The following PTPRH variants were observed in gnomAD, a reference collection of about 807,000 sequenced individuals.
PTPRH encodes the protein receptor-type tyrosine-protein phosphatase H.
PTPRH carries 113 observed loss-of-function variants against 130.2 expected under a neutral mutation model. The observed-to-expected ratio is 0.87, with a 90% CI of 0.75 to 1.01. PTPRH has a LOEUF of 1.01. Ranked by LOEUF, PTPRH falls within the 50% of genes least tolerant of loss-of-function variation. The probability of loss-of-function intolerance (pLI) is 0.00; values close to 1 mark genes in which losing one functional copy is unlikely to be tolerated. For missense variants in PTPRH, 1,430 were observed against 1,425.0 expected, an observed-to-expected ratio of 1.00 and a Z score of -0.06; for synonymous variants, 556 against 577.9, an observed-to-expected ratio of 0.96 and a Z score of 0.54.
At chr19:55,184,236 A>T (rs1034757200) in intron 18 of PTPRH, among the ~76,000 whole-genome samples, 3 of 152,026 alleles carry the variant, frequency 2.0e-5, no homozygotes, top group Non-Finnish European at 4.4e-5. Flanking sequence ...GTGAGCCGAG[A>T]TCATGCCACT....
rs1310236335 is a variant in PTPRH at position 55,187,356 on chromosome 19, AAAAAG to A, written c.2566+152_2566+156del. 1.4e-4 allele frequency among the ~76,000 whole-genome samples: 16 copies of A among 112,870 alleles called. 1 individual carries two copies. Among genetic ancestry groups the A allele is most frequent in the South Asian group, 3.1e-4 (1 of 3,256 alleles). 74.0% of individuals were successfully genotyped at this position (112,870 alleles called of 152,430 possible). A position where few individuals can be genotyped will look rare whatever the true frequency, so the allele number is the denominator to read the frequency against. ...CGAGACTCCGTCTCAAAAAAAAAAA[AAAAAG>A]AAAAAAAGAAAAAAAAAAAAGGAAG... On this transcript the variant is annotated intron_variant, in intron 14 of 19. Transcript: ENST00000376350.
Position 55,191,588 on chromosome 19 carries a change from G to A in PTPRH, c.2337-40C>T, listed in dbSNP as rs372893130. The stretch of plus-strand genomic sequence containing the variant: ...TTAGGATGAGAGGCTCAGGGGGTGA[G>A]GCTGCAACCAGCGGTCCTCCTCCTT... On this transcript the variant is annotated intron_variant, in intron 11 of 19. Transcript: ENST00000376350. The A allele has an allele frequency of 3.5e-5, 57 of 1,613,366 alleles. No individual in the cohort carries two copies. The African/African-American group carries it at 7.2e-4, about 20-fold the overall frequency.
chr19:55,196,904 C>T (rs1263240766), intron 9 of PTPRH, 116 bp from the exon 10 acceptor site: 15 of 1,304,944 alleles, frequency 1.1e-5, no homozygotes, highest in African/African-American at 3.0e-5. Flanking sequence ...ATCCAAACTA[C>T]CTCATCTTCC....
intron 8 of PTPRH, among the ~76,000 whole-genome samples, 197 bp downstream of exon 8, chr19:55,198,446 A>C (rs1335837377): frequency 6.6e-6 from 1 of 152,200 alleles, no homozygotes; most frequent in Non-Finnish European, 1.5e-5. Flanking sequence ...GAGAAAAAAC[A>C]GGTCCCACAG....
chr19:55,202,660 C>T (rs1359712723), intron 5 of PTPRH, among the ~76,000 whole-genome samples: 1 of 151,010 alleles, frequency 6.6e-6, no homozygotes, highest in Non-Finnish European at 1.5e-5. Flanking sequence ...TATACATACA[C>T]ATATATATAT....
rs2122225814 is a variant in PTPRH, at chr19:55,201,991, T to C, written c.1153+65A>G. The C allele has an allele frequency of 5.0e-6, 8 of 1,586,836 alleles. No individual in the cohort carries two copies. The South Asian group carries it at 9.3e-5, about 19-fold the overall frequency. On this transcript the variant is annotated intron_variant, in intron 6 of 19. Transcript: ENST00000376350. ...AGGGACTATGGAATAGACAATCGTC[T>C]ACATTCTACTGCTTACTGTCCCTTA...
intron 5 of PTPRH, 28 bp downstream of exon 5, chr19:55,203,754 T>C: frequency 1.3e-6 from 2 of 1,581,288 alleles, no homozygotes; most frequent in South Asian, 2.3e-5. Flanking sequence ...ATAAAAGAAA[T>C]AAAAATAAAA....
intron 18 of PTPRH, among the ~76,000 whole-genome samples, 172 bp from the exon 19 acceptor site, chr19:55,182,323 C>A (rs2086201566): frequency 2.0e-5 from 3 of 152,148 alleles, no homozygotes; most frequent in Admixed American, 1.3e-4. Flanking sequence ...GTCAGGAGTT[C>A]CAGACCAGCC....
At chr19:55,207,232 T>C (rs776570224) in intron 1 of PTPRH, 33 bp from the exon 2 acceptor site, 4 of 1,608,320 alleles carry the variant, frequency 2.5e-6, no homozygotes, top group African/African-American at 1.3e-5. Context: ...GGAGTCAGCC[T>C]CTCAACCACT....
intron 6 of PTPRH, among the ~76,000 whole-genome samples, chr19:55,201,793 C>G (rs1170628321): frequency 6.6e-6 from 1 of 152,222 alleles, no homozygotes; most frequent in African/African-American, 2.4e-5. Flanking sequence ...ACACATTCCT[C>G]TTGGTGCAGG....
rs541352025 is a variant in PTPRH at position 55,191,847 on chromosome 19, C to G, written c.2258-106G>C. The G allele has an allele frequency of 7.3e-5, 70 of 955,750 alleles. 2 individuals are homozygous for G. The East Asian group carries it at 1.5e-3, about 20-fold the overall frequency. The allele number at this position is 955,750 out of a possible 1,614,324, so 59.2% of individuals were successfully genotyped here. On this transcript the variant is annotated intron_variant, in intron 10 of 19. Coordinates refer to ENST00000376350, the MANE Select transcript of PTPRH (RefSeq NM_002842.5). The stretch of plus-strand genomic sequence containing the variant: ...CTTCCCCAGGAGCCTGGTCCAAAGA[C>G]AGCTGACCCCCGAACATCACACGGT...
At position 55,196,546 on chromosome 19, in the gene PTPRH, C is replaced by T; in HGVS notation, c.2233G>A (p.Val745Met). The change falls in exon 10 of 20, where the codon GTG (valine) becomes ATG (methionine). Residue 745 changes from valine to methionine, a missense_variant. Val to Met is a conservative substitution (Grantham distance 21). Coordinates refer to ENST00000376350, the MANE Select transcript of PTPRH (RefSeq NM_002842.5). Reference sequence around the variant, plus strand: ...CCTGCACTCTCGGTGTGGCAGACCACAGAGTGAGACACGACCTTCATTCCG... The same window carrying T: ...CCTGCACTCTCGGTGTGGCAGACCATAGAGTGAGACACGACCTTCATTCCG... ...WDGMKVVSHS[V>M]VCHTESAGVI... 6.2e-7 allele frequency: 1 copy of T among 1,612,824 alleles called. No homozygotes were observed. Among genetic ancestry groups the T allele is most frequent in the Non-Finnish European group, 8.5e-7 (1 of 1,179,838 alleles).
chr19:55,201,382 A>C (rs1018422528), intron 6 of PTPRH, among the ~76,000 whole-genome samples: 1 of 152,208 alleles, frequency 6.6e-6, no homozygotes, highest in Non-Finnish European at 1.5e-5. Context: ...AGCTCTAAAA[A>C]AAAGAAAAAA....
chr19:55,202,859 C>A, intron 5 of PTPRH, among the ~76,000 whole-genome samples: 1 of 151,420 alleles, frequency 6.6e-6, no homozygotes, highest in Non-Finnish European at 1.5e-5. Flanking sequence ...GCCAACATGG[C>A]GAAACCCCGT....
At chr19:55,191,355 G>A (rs926168818) in intron 12 of PTPRH, 146 bp downstream of exon 12, 52 of 914,036 alleles carry the variant, frequency 5.7e-5, no homozygotes, top group Non-Finnish European at 7.8e-5. Context: ...TGGAAGGGCC[G>A]TGGTCCCTGT....
intron 13 of PTPRH, 64 bp from the exon 14 acceptor site, chr19:55,187,667 C>T (rs1356929887): frequency 4.1e-6 from 5 of 1,216,832 alleles, no homozygotes; most frequent in Non-Finnish European, 6.1e-6. Context: ...CGGGGGTACC[C>T]CCGAGCTCCC....
chr19:55,209,401 C>T lies in PTPRH; in HGVS notation c.33G>A (p.Trp11Ter). MAGAGGGLGVWGNLVLLGLCS... is the reference protein window; with the variant it reads MAGAGGGLGV ...CACTTACCAGCAGCACCAGGTTCCC[C>T]CAGACCCCGAGGCCCCCGCCAGCCC... Residue 11 changes from tryptophan to a stop codon, truncating the protein, a stop_gained, in exon 1 of 20, where the codon TGG becomes TGA. Coordinates refer to ENST00000376350, the MANE Select transcript of PTPRH (RefSeq NM_002842.5). LOFTEE classifies it high-confidence loss of function. This position sits in a 1 kb window ranked among gnomAD's most constrained non-coding sequence, Gnocchi z 4.1. The T allele has an allele frequency of 6.4e-7, 1 of 1,562,090 alleles. No individual in the cohort carries two copies. Among genetic ancestry groups the T allele is most frequent in the African/African-American group, 1.4e-5 (1 of 73,906 alleles).
intron 10 of PTPRH, among the ~76,000 whole-genome samples, chr19:55,193,301 C>T (rs1311257656): frequency 6.6e-6 from 1 of 151,208 alleles, no homozygotes; most frequent in African/African-American, 2.4e-5. Flanking sequence ...CATGGTAGTA[C>T]ATGCCTGTAG....
At chr19:55,196,893 A>C (rs767780565) in intron 9 of PTPRH, 105 bp from the exon 10 acceptor site, 2 of 1,391,808 alleles carry the variant, frequency 1.4e-6, no homozygotes, top group Non-Finnish European at 2.0e-6. Flanking sequence ...TTCCTCGCCA[A>C]ATCCAAACTA....
Sources: gnomAD v4.1 joint callset for allele counts (sites outside exome capture counted in the v4.1 genomes callset) on GRCh38, gnomAD v4.1.1 for gene constraint, Gnocchi (gnomAD v3.1) non-coding constraint, MANE v1.5 for transcripts, NCBI Gene and HGNC (gene_info 2026-07-23, HGNC 2026-07-21) for gene names.